Variants in ROR1 observed in about 807,000 individuals in gnomAD.
ROR1 encodes inactive tyrosine-protein kinase transmembrane receptor ROR1.
A neutral mutation model predicts 78.8 loss-of-function variants in ROR1; 19 were observed. The observed-to-expected ratio is 0.24, with a 90% CI of 0.17 to 0.35. The LOEUF (loss-of-function observed/expected upper bound fraction) is 0.35. Among genes scored for constraint, ROR1 ranks in the 10% least tolerant of loss-of-function variants. The pLI is 1.00. For missense variants in ROR1, 917 were observed against 1,177.8 expected, an observed-to-expected ratio of 0.78 and a Z score of 3.24; for synonymous variants, 386 against 433.6, an observed-to-expected ratio of 0.89 and a Z score of 1.36.
chr1:64,095,670 A>G (rs955148341), intron 4 of ROR1, among the ~76,000 whole-genome samples: 2 of 152,220 alleles, frequency 1.3e-5, no homozygotes, highest in Non-Finnish European at 2.9e-5. Context: ...TATGTATATT[A>G]TACTTCAATT....
At chr1:63,924,320 G>A (rs1258764412) in intron 1 of ROR1, among the ~76,000 whole-genome samples, 1 of 152,140 alleles carries the variant, frequency 6.6e-6, no homozygotes, top group East Asian at 1.9e-4. Context: ...ACCAGTGTCT[G>A]CTGTATAAGA....
chr1:64,031,293 A>G (rs1557617563), intron 2 of ROR1, among the ~76,000 whole-genome samples: 1 of 152,152 alleles, frequency 6.6e-6, no homozygotes, highest in Non-Finnish European at 1.5e-5. Flanking sequence ...CTGTCTGGGG[A>G]AGAAAATGGT....
rs992900022 is a variant in ROR1 at position 64,101,128 on chromosome 1, T to C, written c.483-36241T>C. On this transcript the variant is annotated intron_variant, in intron 4 of 8. Transcript: ENST00000371079. ...TGGGTAGAAATTTTTACTTTTACCT[T>C]CTACAATGGTTCTAAAAAAGCCGTT... Among the ~76,000 whole-genome samples the C allele has an allele frequency of 2.0e-5, 3 of 152,208 alleles. No homozygotes were observed. The South Asian group carries it at 6.2e-4, about 32-fold the overall frequency.
At chr1:64,026,459 T>C (rs1485119849) in intron 2 of ROR1, among the ~76,000 whole-genome samples, 1 of 152,240 alleles carries the variant, frequency 6.6e-6, no homozygotes, top group Non-Finnish European at 1.5e-5. Context: ...AAGTTTTCCT[T>C]TAGTTCTATG....
Position 64,181,362 on chromosome 1 carries a change from A to G in ROR1, c.*2507A>G, listed in dbSNP as rs1192974904. On this transcript the variant is annotated 3_prime_UTR_variant, in exon 9 of 9. Transcript: ENST00000371079. ...TGATTTGTTATTATGGGCATTTCAA[A>G]TAGGCAAGCATTGAATTGTAATGAC... is the stretch of plus-strand genomic sequence containing the variant. 6.6e-6 allele frequency: 1 copy of G among 152,190 alleles called. No individual in the cohort carries two copies. Among genetic ancestry groups the G allele is most frequent in the African/African-American group, 2.4e-5 (1 of 41,458 alleles). The allele number at this position is 152,190 out of a possible 1,614,324, so 9.4% of individuals were successfully genotyped here.
chr1:63,994,811 A>G (rs1353283271), intron 1 of ROR1, among the ~76,000 whole-genome samples: 2 of 152,242 alleles, frequency 1.3e-5, no homozygotes, highest in African/African-American at 4.8e-5. Flanking sequence ...CTTATCAGCC[A>G]GAGATCAAGT....
At chr1:63,988,205 G>C (rs747990277) in intron 1 of ROR1, among the ~76,000 whole-genome samples, 5 of 152,202 alleles carry the variant, frequency 3.3e-5, no homozygotes, top group Non-Finnish European at 5.9e-5. Context: ...CCAGGACCCA[G>C]CTGTCTCAGG....
At chr1:63,926,266 T>C (rs1296177498) in intron 1 of ROR1, among the ~76,000 whole-genome samples, 2 of 149,124 alleles carry the variant, frequency 1.3e-5, no homozygotes, top group East Asian at 4.1e-4. Flanking sequence ...ATTTATTAAA[T>C]AGGGAATCCT....
At chr1:64,094,742 A>G (rs1272932259) in intron 4 of ROR1, 1 of 152,324 alleles carries the variant, frequency 6.6e-6, no homozygotes, top group Non-Finnish European at 1.5e-5. Context: ...AGCATGTGCC[A>G]CCATGCCCAG....
At chr1:64,044,699 G>C (rs997785702) in intron 2 of ROR1, among the ~76,000 whole-genome samples, 1 of 152,078 alleles carries the variant, frequency 6.6e-6, no homozygotes, top group Admixed American at 6.5e-5. Flanking sequence ...AAGAATGACC[G>C]ACAGAAAAAT....
rs748358446 is a variant in ROR1, at chr1:64,178,440, G to A, written c.2399G>A (p.Gly800Asp). ...MFPSQGITPQGQIAGFIGPPI... is the reference protein window; with the variant it reads ...MFPSQGITPQDQIAGFIGPPI... ...CCGAGCCAGGGTATTACACCACAGG[G>A]CCAGATTGCTGGTTTCATTGGCCCG... is the stretch of plus-strand genomic sequence containing the variant. The change falls in exon 9 of 9, where the codon GGC becomes GAC. Residue 800 changes from glycine to aspartate, a missense_variant. Around this residue, in one of 3 missense-constraint regions of ROR1, gnomAD observed 835 missense variants for 1,069.8 expected, o/e 0.78. Transcript: ENST00000371079. This position sits in a 1 kb window ranked among gnomAD's most constrained non-coding sequence, Gnocchi z 4.3. 30 of 1,613,974 alleles carry A rather than the reference G, an allele frequency of 1.9e-5. No homozygotes were observed. The highest frequency in any genetic ancestry group is 2.4e-5 in the Non-Finnish European group (28 of 1,180,018).
intron 1 of ROR1, among the ~76,000 whole-genome samples, chr1:63,874,204 T>C (rs990867987): frequency 3.3e-5 from 5 of 152,238 alleles, no homozygotes; most frequent in African/African-American, 1.2e-4. Flanking sequence ...GCATAATTAC[T>C]CTCTTGTTTT....
intron 1 of ROR1, among the ~76,000 whole-genome samples, chr1:63,852,269 C>A (rs1260700): frequency 1.3e-5 from 2 of 152,082 alleles, no homozygotes; most frequent in Non-Finnish European, 2.9e-5. Flanking sequence ...TTCACTCTGC[C>A]GGGGCATACA....
intron 1 of ROR1, among the ~76,000 whole-genome samples, chr1:63,801,290 A>G (rs1644795815): frequency 6.6e-6 from 1 of 151,964 alleles, no homozygotes; most frequent in African/African-American, 2.4e-5. Context: ...ATTTATGGGT[A>G]TCATGTTTTT....
At chr1:63,929,637 G>A (rs1031331975) in intron 1 of ROR1, among the ~76,000 whole-genome samples, 3 of 152,114 alleles carry the variant, frequency 2.0e-5, no homozygotes, top group Admixed American at 1.3e-4. Context: ...GGTCAAAATG[G>A]TAAATAAATG....
chr1:64,021,477 A>T (rs186664867), intron 2 of ROR1, among the ~76,000 whole-genome samples: 2 of 152,224 alleles, frequency 1.3e-5, no homozygotes, highest in African/African-American at 4.8e-5. Flanking sequence ...TGTGGGAAGT[A>T]CTATTATACC....
chr1:64,042,496 TATTA>T (rs1383484895), intron 2 of ROR1, among the ~76,000 whole-genome samples: 1 of 152,208 alleles, frequency 6.6e-6, no homozygotes, highest in Non-Finnish European at 1.5e-5. Context: ...CGCAGTCTAT[TATTA>T]TAAGCAGTGC....
intron 1 of ROR1, among the ~76,000 whole-genome samples, chr1:63,910,785 G>C (rs1645563943): frequency 6.6e-6 from 1 of 152,158 alleles, no homozygotes; most frequent in Non-Finnish European, 1.5e-5. Context: ...CTGCACAAAT[G>C]CCTGTCGAAG....
At chr1:64,066,039 T>C (rs1646953160) in intron 4 of ROR1, among the ~76,000 whole-genome samples, 2 of 152,182 alleles carry the variant, frequency 1.3e-5, no homozygotes, top group African/African-American at 4.8e-5. Context: ...ACGTGTTCCA[T>C]AGATAACAGA....
Sources: allele counts gnomAD v4.1 joint callset (sites outside exome capture counted in the v4.1 genomes callset), GRCh38; gene constraint gnomAD v4.1.1; regional missense constraint gnomAD v4.1.1; non-coding constraint Gnocchi (gnomAD v3.1); transcripts MANE v1.5; gene names NCBI Gene and HGNC (gene_info 2026-07-23, HGNC 2026-07-21).